JAZF1: variants seen among roughly 807,000 people sequenced by gnomAD.
JAZF1 encodes the protein juxtaposed with another zinc finger protein 1.
A neutral mutation model predicts 26.4 loss-of-function variants in JAZF1; 8 were observed. The ratio of observed to expected loss-of-function variants is 0.30; its 90% CI spans 0.18 to 0.55. The LOEUF (loss-of-function observed/expected upper bound fraction) is 0.55, where lower values mean the gene tolerates loss of function less well. Among genes scored for constraint, JAZF1 ranks in the 20% least tolerant of loss-of-function variants. The pLI, the probability that JAZF1 is intolerant of heterozygous loss-of-function variation, is 0.94. For missense variants in JAZF1, 199 were observed against 322.0 expected (o/e 0.62, Z 2.92); for synonymous variants, 126 against 122.3 (o/e 1.03, Z -0.20).
At chr7:28,158,838 G>A (rs990295589) in intron 1 of JAZF1, among the ~76,000 whole-genome samples, 1 of 152,168 alleles carries the variant, frequency 6.6e-6, no homozygotes. Flanking sequence ...TGGGCTTAAT[G>A]ATGTCGAGCA....
At chr7:27,862,560 AAAG>A (rs1783404122) in intron 3 of JAZF1, among the ~76,000 whole-genome samples, 1 of 152,206 alleles carries the variant, frequency 6.6e-6, no homozygotes, top group Non-Finnish European at 1.5e-5. Flanking sequence ...TCATCTCTCC[AAAG>A]AGAGACCACG....
chr7:28,145,712 C>T (rs1461133906), intron 1 of JAZF1, among the ~76,000 whole-genome samples: 1 of 143,212 alleles, frequency 7.0e-6, no homozygotes, highest in Non-Finnish European at 1.5e-5. Context: ...GTAACCACCA[C>T]CACAATAAAA....
chr7:28,041,372 A>G (rs1783387989), intron 1 of JAZF1, among the ~76,000 whole-genome samples: 1 of 152,106 alleles, frequency 6.6e-6, no homozygotes, highest in Non-Finnish European at 1.5e-5. Context: ...CTTTAGATGG[A>G]TAAATAGTTT....
At chr7:28,146,321 CAGTA>C (rs1783026958) in intron 1 of JAZF1, among the ~76,000 whole-genome samples, 1 of 152,186 alleles carries the variant, frequency 6.6e-6, no homozygotes, top group Non-Finnish European at 1.5e-5. Flanking sequence ...ATCGATTGAT[CAGTA>C]AGTATTTCCA....
intron 1 of JAZF1, among the ~76,000 whole-genome samples, chr7:28,135,125 A>T (rs1782860528): frequency 6.6e-6 from 1 of 152,244 alleles, no homozygotes; most frequent in Admixed American, 6.5e-5. Flanking sequence ...ATTGAGAAAT[A>T]TAGACTATTT....
At chr7:28,004,636 G>A (rs909881563) in intron 1 of JAZF1, among the ~76,000 whole-genome samples, 1 of 151,966 alleles carries the variant, frequency 6.6e-6, no homozygotes, top group Non-Finnish European at 1.5e-5. Flanking sequence ...GTATAAGTCC[G>A]ACATCCAGTG....
chr7:28,064,507 C>T (rs1314987841), intron 1 of JAZF1, among the ~76,000 whole-genome samples: 1 of 152,106 alleles, frequency 6.6e-6, no homozygotes, highest in Non-Finnish European at 1.5e-5. Flanking sequence ...GCAATGCATT[C>T]TGAAATGTAG....
chr7:28,075,187 G>A (rs888572910), intron 1 of JAZF1, among the ~76,000 whole-genome samples: 1 of 152,140 alleles, frequency 6.6e-6, no homozygotes, highest in African/African-American at 2.4e-5. Context: ...TAAAGTAAGT[G>A]TAACAGCATC....
intron 2 of JAZF1, among the ~76,000 whole-genome samples, chr7:27,902,741 G>C (rs757184449): frequency 2.0e-5 from 3 of 152,220 alleles, no homozygotes; most frequent in Non-Finnish European, 2.9e-5. Context: ...AACATGCTGG[G>C]CACGGTGGCT....
intron 2 of JAZF1, among the ~76,000 whole-genome samples, chr7:27,897,942 C>A (rs1583453376): frequency 1.3e-5 from 2 of 152,286 alleles, no homozygotes; most frequent in South Asian, 4.1e-4. Context: ...GCAGACGGGG[C>A]AATAACATTT....
At chr7:28,111,405 G>A (rs200494546) in intron 1 of JAZF1, among the ~76,000 whole-genome samples, 1 of 152,096 alleles carries the variant, frequency 6.6e-6, no homozygotes, top group African/African-American at 2.4e-5. Context: ...TTATGTGTTT[G>A]TTTATTAATT....
At chr7:27,929,959 T>TCC (rs1554276232) in intron 2 of JAZF1, among the ~76,000 whole-genome samples, 21 of 146,332 alleles carry the variant, frequency 1.4e-4, no homozygotes, top group African/African-American at 3.8e-4. Flanking sequence ...TCTCTCTCTC[T>TCC]CCCCCTCTCT....
At chr7:28,075,750 T>C (rs955919827) in intron 1 of JAZF1, among the ~76,000 whole-genome samples, 4 of 152,214 alleles carry the variant, frequency 2.6e-5, no homozygotes, top group African/African-American at 9.6e-5. Flanking sequence ...AATCCCATTT[T>C]TTGCTATTAA....
At position 28,027,346 on chromosome 7, in the gene JAZF1, A is replaced by G. The variant is rs76330903; in HGVS notation, c.116-35365T>C. 1.7e-3 allele frequency among the ~76,000 whole-genome samples: 262 copies of G among 152,332 alleles called. 5 individuals carry two copies. The East Asian group carries it at 0.044, about 26-fold the overall frequency. ...CACAAGGGATGAAACACTGATAAGG[A>G]CAGTCCTTTATTTGTGGGTTATGTT... On this transcript the variant is annotated intron_variant, in intron 1 of 4. Coordinates refer to ENST00000283928, the MANE Select transcript of JAZF1 (RefSeq NM_175061.4).
At chr7:28,139,345 CT>C (rs1455885408) in intron 1 of JAZF1, among the ~76,000 whole-genome samples, 5 of 152,218 alleles carry the variant, frequency 3.3e-5, no homozygotes, top group Non-Finnish European at 7.3e-5. Flanking sequence ...CACTGAAGTT[CT>C]AACCCCTGGT....
chr7:28,021,807 C>T (rs929064490), intron 1 of JAZF1, among the ~76,000 whole-genome samples: 13 of 152,320 alleles, frequency 8.5e-5, no homozygotes, highest in African/African-American at 2.9e-4. Context: ...GCCCACAGTT[C>T]GTCACCATGG....
intron 2 of JAZF1, among the ~76,000 whole-genome samples, chr7:27,898,083 C>T (rs548372206): frequency 1.3e-5 from 2 of 152,172 alleles, no homozygotes; most frequent in South Asian, 4.1e-4. Flanking sequence ...ATTTTGTCCA[C>T]CTTACTCAAC....
chr7:28,096,025 T>C (rs995456467), intron 1 of JAZF1, among the ~76,000 whole-genome samples: 1 of 152,012 alleles, frequency 6.6e-6, no homozygotes, highest in Non-Finnish European at 1.5e-5. Context: ...AAAGGCTCCA[T>C]CTCCAAATAT....
chr7:27,882,206 A>G (rs998467776), intron 3 of JAZF1, among the ~76,000 whole-genome samples: 2 of 152,176 alleles, frequency 1.3e-5, no homozygotes, highest in African/African-American at 4.8e-5. Context: ...TCATGAGATC[A>G]GTAGATGTCA....
Sources: gnomAD v4.1 joint callset for allele counts (sites outside exome capture counted in the v4.1 genomes callset) on GRCh38, gnomAD v4.1.1 for gene constraint, MANE v1.5 for transcripts, NCBI Gene and HGNC (gene_info 2026-07-23, HGNC 2026-07-21) for gene names.